Variants in KCNQ3 observed in about 807,000 individuals in gnomAD.
KCNQ3 encodes potassium voltage-gated channel subfamily Q member 3.
A neutral mutation model predicts 92.5 loss-of-function variants in KCNQ3; 30 were observed. The observed-to-expected ratio is 0.32, with a 90% CI of 0.24 to 0.44. The LOEUF (loss-of-function observed/expected upper bound fraction) is 0.44. KCNQ3 is among the 20% of genes least tolerant of loss of function. KCNQ3 has a pLI of 1.00. For synonymous variants in KCNQ3, 450 were observed against 468.8 expected (o/e 0.96, Z 0.52); for missense variants, 913 against 1,140.3 (o/e 0.80, Z 2.87).
At chr8:132,477,776 A>G (rs751565595) in intron 1 of KCNQ3, among the ~76,000 whole-genome samples, 2 of 152,124 alleles carry the variant, frequency 1.3e-5, no homozygotes, top group African/African-American at 4.8e-5. Context: ...TAGCAAGGGG[A>G]GGCCAAGGAA....
chr8:132,156,433 T>G (rs1216120566), intron 9 of KCNQ3, among the ~76,000 whole-genome samples: 1 of 152,084 alleles, frequency 6.6e-6, no homozygotes, highest in Non-Finnish European at 1.5e-5. Context: ...TATGACTACC[T>G]CCTAACTCTA....
At chr8:132,172,397 T>TACACACACACAC (rs35831322) in intron 7 of KCNQ3, among the ~76,000 whole-genome samples, 23 of 140,390 alleles carry the variant, frequency 1.6e-4, no homozygotes, top group African/African-American at 5.8e-4. Flanking sequence ...GGCACATTAA[T>TACACACACACAC]ACACACACAC....
intron 1 of KCNQ3, among the ~76,000 whole-genome samples, chr8:132,394,848 C>A (rs900545502): frequency 5.3e-5 from 8 of 152,298 alleles, no homozygotes; most frequent in Non-Finnish European, 1.2e-4. Context: ...TGCGCCTTGG[C>A]CAGAGCTGCC....
At position 132,167,294 on chromosome 8, in the gene KCNQ3, G is replaced by T. The variant is rs573876055; in HGVS notation, c.1235+3040C>A. ...GGAGAAGACGGAACCAGGAGTATCT[G>T]CTCACTGGGACAGAATTTCTTCCTG... On this transcript the variant is annotated intron_variant, in intron 8 of 14. Coordinates refer to ENST00000388996, the MANE Select transcript of KCNQ3 (RefSeq NM_004519.4). 7.2e-5 allele frequency among the ~76,000 whole-genome samples: 11 copies of T among 152,290 alleles called. No individual in the cohort carries two copies. The South Asian group carries it at 2.3e-3, about 32-fold the overall frequency.
intron 1 of KCNQ3, among the ~76,000 whole-genome samples, chr8:132,386,654 T>C (rs1563889909): frequency 2.0e-5 from 3 of 152,188 alleles, no homozygotes; most frequent in Admixed American, 1.3e-4. Flanking sequence ...TTTATTTCTA[T>C]GCTATTGATA....
At chr8:132,135,867 G>A (rs942219587) in intron 12 of KCNQ3, among the ~76,000 whole-genome samples, 4 of 152,084 alleles carry the variant, frequency 2.6e-5, no homozygotes, top group African/African-American at 7.2e-5. Flanking sequence ...AGTGGCTGAC[G>A]CCTGTAATAC....
At chr8:132,239,801 A>T (rs1284018106) in intron 1 of KCNQ3, among the ~76,000 whole-genome samples, 1 of 152,202 alleles carries the variant, frequency 6.6e-6, no homozygotes, top group Non-Finnish European at 1.5e-5. Context: ...ATCGTGCACA[A>T]GTCATTTCAG....
At chr8:132,142,075 C>A (rs1280583261) in intron 9 of KCNQ3, among the ~76,000 whole-genome samples, 1 of 152,166 alleles carries the variant, frequency 6.6e-6, no homozygotes, top group East Asian at 1.9e-4. Context: ...AGGTTCATCA[C>A]AAAGATGCAC....
In KCNQ3 at chr8:132,450,943, T is replaced by C. The variant is rs796237881; in HGVS notation, c.386+29204A>G. On this transcript the variant is annotated intron_variant, in intron 1 of 14. Coordinates refer to ENST00000388996, the MANE Select transcript of KCNQ3 (RefSeq NM_004519.4). ...GCTCTTTCCAGAGAAGGATGGAATG[T>C]CTAGAAATAACGTCTGTGATGCCCT... Among the ~76,000 whole-genome samples the C allele has an allele frequency of 1.4e-4, 22 of 152,328 alleles. 1 individual carries two copies. The highest frequency in any genetic ancestry group is 5.3e-4 in the African/African-American group (22 of 41,572).
At chr8:132,458,251 G>T (rs1821987648) in intron 1 of KCNQ3, among the ~76,000 whole-genome samples, 1 of 152,152 alleles carries the variant, frequency 6.6e-6, no homozygotes, top group Non-Finnish European at 1.5e-5. Context: ...ACCAACAACA[G>T]TTCACTACAG....
At chr8:132,316,914 T>C (rs1817759394) in intron 1 of KCNQ3, among the ~76,000 whole-genome samples, 1 of 152,220 alleles carries the variant, frequency 6.6e-6, no homozygotes, top group Non-Finnish European at 1.5e-5. Flanking sequence ...TCGTTGGTGG[T>C]ATTTTAATGA....
chr8:132,277,077 A>T (rs116992339), intron 1 of KCNQ3, among the ~76,000 whole-genome samples: 11,699 of 152,192 alleles, frequency 0.077, 565 homozygotes, highest in South Asian at 0.14. Context: ...TAATTTTTAA[A>T]AAAAAAAAGG....
At chr8:132,239,252 G>A (rs1479448084) in intron 1 of KCNQ3, among the ~76,000 whole-genome samples, 2 of 152,228 alleles carry the variant, frequency 1.3e-5, no homozygotes, top group African/African-American at 2.4e-5. Flanking sequence ...AATTTGATTC[G>A]ATGGGCTGAT....
chr8:132,235,952 G>A (rs1248104058), intron 1 of KCNQ3, among the ~76,000 whole-genome samples: 2 of 152,182 alleles, frequency 1.3e-5, no homozygotes, highest in Non-Finnish European at 2.9e-5. Flanking sequence ...TGTGCTCTTG[G>A]CGGGAGTGGG....
intron 1 of KCNQ3, among the ~76,000 whole-genome samples, chr8:132,301,886 G>C (rs1817225809): frequency 6.6e-6 from 1 of 152,140 alleles, no homozygotes; most frequent in Non-Finnish European, 1.5e-5. Context: ...AGAGCTCTCT[G>C]TCTAATGAAG....
chr8:132,461,126 T>C (rs1287064507), intron 1 of KCNQ3, among the ~76,000 whole-genome samples: 1 of 152,248 alleles, frequency 6.6e-6, no homozygotes, highest in African/African-American at 2.4e-5. Context: ...TACAATGGTT[T>C]GTTTATCCAT....
rs745755804 is a variant in KCNQ3 at position 132,480,395 on chromosome 8, C to T, written c.138G>A (p.Ala46=). Residue 46 remains alanine (A), a synonymous_variant, in exon 1 of 15, where the codon GCG becomes GCA. Transcript: ENST00000388996. ...AGGTGACTTGCTCCACGTCGCCGGG[C>T]GCCAGCCCCACTTTCCGCTCCTCGT... The part of the protein sequence containing the change: ...AGDEERKVGL[A]PGDVEQVTLA... 4 of 1,545,526 alleles carry T rather than the reference C, an allele frequency of 2.6e-6. No individual in the cohort carries two copies. The highest frequency in any genetic ancestry group is 1.8e-5 in the Admixed American group (1 of 55,174).
intron 9 of KCNQ3, among the ~76,000 whole-genome samples, chr8:132,149,326 GC>G (rs1563773256): frequency 6.6e-6 from 1 of 152,218 alleles, no homozygotes; most frequent in African/African-American, 2.4e-5. Context: ...GACTTGGGAT[GC>G]TATCTGTGAG....
chr8:132,406,131 A>T (rs1008593952), intron 1 of KCNQ3, among the ~76,000 whole-genome samples: 2 of 152,226 alleles, frequency 1.3e-5, no homozygotes, highest in Non-Finnish European at 2.9e-5. Context: ...CCTGATAGAA[A>T]GAAGGGTGTC....
Sources: gnomAD v4.1 joint callset for allele counts (sites outside exome capture counted in the v4.1 genomes callset) on GRCh38, gnomAD v4.1.1 for gene constraint, MANE v1.5 for transcripts, NCBI Gene and HGNC (gene_info 2026-07-23, HGNC 2026-07-21) for gene names.